The following HDGFL3 variants were observed in gnomAD, a reference collection of about 807,000 sequenced individuals.
The protein encoded by HDGFL3 is hepatoma-derived growth factor-related protein 3.
HDGFL3 carries 6 observed loss-of-function variants against 27.6 expected under a neutral mutation model. The ratio of observed to expected loss-of-function variants is 0.22; its 90% confidence interval spans 0.12 to 0.43. The LOEUF is 0.43. HDGFL3 is among the 20% of genes least tolerant of loss of function. The pLI, the probability that HDGFL3 is intolerant of heterozygous loss-of-function variation, is 1.00. For missense variants in HDGFL3, 207 were observed against 250.1 expected, an observed-to-expected ratio of 0.83 and a Z score of 1.16; for synonymous variants, 88 against 88.9, an observed-to-expected ratio of 0.99 and a Z score of 0.05.
chr15:83,123,559 C>T (rs369530665), downstream of HDGFL3, among the ~76,000 whole-genome samples: 14 of 152,252 alleles, frequency 9.2e-5, no homozygotes, highest in East Asian at 1.3e-3. Flanking sequence ...AATCAGAATA[C>T]GACTATTCAT....
chr15:83,126,854 T>C, downstream of HDGFL3: 6 of 1,601,046 alleles, frequency 3.7e-6, no homozygotes, highest in Admixed American at 1.7e-5. Context: ...TCAGGTCAAG[T>C]AGTTATGAAG....
intron 1 of HDGFL3, among the ~76,000 whole-genome samples, chr15:83,200,147 T>C (rs762415061): frequency 2.0e-5 from 3 of 148,558 alleles, no homozygotes; most frequent in Non-Finnish European, 3.0e-5. Context: ...ATTGAGACCA[T>C]CCTGGCTAAC....
intron 1 of HDGFL3, among the ~76,000 whole-genome samples, chr15:83,182,900 G>T (rs1400832552): frequency 6.6e-6 from 1 of 152,186 alleles, no homozygotes; most frequent in Non-Finnish European, 1.5e-5. Context: ...TAGATGGACA[G>T]AAATGTGATA....
Position 83,164,367 on chromosome 15 carries a change from C to CAAAAAAAAAAAAAA in HDGFL3, c.85-306_85-293dup, listed in dbSNP as rs869303457. Among the ~76,000 whole-genome samples, 351 of 38,406 alleles carry CAAAAAAAAAAAAAA rather than the reference C, an allele frequency of 9.1e-3. 2 individuals are homozygous for CAAAAAAAAAAAAAA. The highest frequency in any genetic ancestry group is 0.011 in the Non-Finnish European group (229 of 20,716). 25.2% of individuals were successfully genotyped at this position (38,406 alleles called of 152,430 possible). A position where few individuals can be genotyped will look rare whatever the true frequency, so the allele number is the denominator to read the frequency against. ...TGTCCTAGTGAAAAATTAGAGTAAC[C>CAAAAAAAAAAAAAA]AAAAAAAAAAAAAAAAAAAAAAAAA... On this transcript the variant is annotated intron_variant, in intron 1 of 5. Coordinates refer to ENST00000299633, the MANE Select transcript of HDGFL3 (RefSeq NM_016073.4).
chr15:83,151,318 T>C lies in HDGFL3; in HGVS notation c.503A>G (p.Asp168Gly). Residue 168 changes from aspartate (D) to glycine (G), a missense_variant, in exon 5 of 6, where the codon GAC (aspartate) becomes GGC (glycine). By Grantham distance (94) the Asp-to-Gly change is moderately conservative. Transcript: ENST00000299633. Reference sequence around the variant, plus strand: ...GTTTTCCTCTTCTTTGCAGTCTTTGTCATCTTCATCTCCTGGAGATTTCCG... The same window carrying C: ...GTTTTCCTCTTCTTTGCAGTCTTTGCCATCTTCATCTCCTGGAGATTTCCG... ...QSRKSPGDED[D>G]KDCKEEENKS... 1 of 1,613,492 alleles carries C rather than the reference T, an allele frequency of 6.2e-7. No homozygotes were observed. The highest frequency in any genetic ancestry group is 8.5e-7 in the Non-Finnish European group (1 of 1,179,676).
intron 1 of HDGFL3, among the ~76,000 whole-genome samples, chr15:83,174,287 G>A (rs2037282201): frequency 6.6e-6 from 1 of 152,108 alleles, no homozygotes; most frequent in South Asian, 2.1e-4. Context: ...ACATTCAGCT[G>A]TTCCCTGAAT....
chr15:83,156,617 C>A (rs372433485), intron 4 of HDGFL3, among the ~76,000 whole-genome samples: 2 of 152,284 alleles, frequency 1.3e-5, no homozygotes, highest in East Asian at 1.9e-4. Flanking sequence ...GAAGCCTTGA[C>A]GTGTGGTAGG....
exon 4 of HDGFL3, chr15:83,115,379 A>C: frequency 3.4e-6 from 1 of 296,148 alleles, no homozygotes; most frequent in Non-Finnish European, 6.7e-6. Flanking sequence ...CAGCCTCCCA[A>C]AGTGCTGGGA....
At chr15:83,193,898 G>GTGC (rs2037540859) in intron 1 of HDGFL3, among the ~76,000 whole-genome samples, 1 of 152,180 alleles carries the variant, frequency 6.6e-6, no homozygotes. Context: ...GGCAGTACCT[G>GTGC]TGCTGCTGCT....
rs2036679083 is a variant in HDGFL3 at position 83,137,656 on chromosome 15, T to G, written c.*1614A>C. The stretch of plus-strand genomic sequence containing the variant: ...TGTTGAGTATACTAGAGAAAATCAG[T>G]ATTCACTAAATGAAAGAAACACACC... On this transcript the variant is annotated 3_prime_UTR_variant, in exon 6 of 6. Coordinates refer to ENST00000299633, the MANE Select transcript of HDGFL3 (RefSeq NM_016073.4). 1 of 152,120 alleles carries G rather than the reference T, an allele frequency of 6.6e-6. No homozygotes were observed. The highest frequency in any genetic ancestry group is 1.5e-5 in the Non-Finnish European group (1 of 68,010). 9.4% of individuals were successfully genotyped at this position (152,120 alleles called of 1,614,324 possible).
At chr15:83,186,887 G>A (rs1192349596) in intron 1 of HDGFL3, among the ~76,000 whole-genome samples, 1 of 152,004 alleles carries the variant, frequency 6.6e-6, no homozygotes, top group Admixed American at 6.6e-5. Flanking sequence ...TGAAAAATAA[G>A]TAAATAAATA....
At position 83,133,311 on chromosome 15, in the gene HDGFL3, T is replaced by G. The variant is rs1296605463; in HGVS notation, c.*5959A>C. On this transcript the variant is annotated 3_prime_UTR_variant, in exon 6 of 6. Transcript: ENST00000299633. The stretch of plus-strand genomic sequence containing the variant: ...AATGGTCACCTAAGTTTTCTGCCTA[T>G]AACATTCACATGGACATATAACACT... The G allele has an allele frequency of 1.3e-5, 2 of 152,254 alleles. No homozygotes were observed. The highest frequency in any genetic ancestry group is 2.9e-5 in the Non-Finnish European group (2 of 68,052). The allele number at this position is 152,254 out of a possible 1,614,324, so 9.4% of individuals were successfully genotyped here.
intron 3 of HDGFL3, chr15:83,115,938 G>A: frequency 6.2e-7 from 1 of 1,612,346 alleles, no homozygotes; most frequent in Non-Finnish European, 8.5e-7. Context: ...CACTACTTGA[G>A]AGAGGTATGG....
At chr15:83,143,148 G>T (rs1596544010) in intron 5 of HDGFL3, among the ~76,000 whole-genome samples, 1 of 152,020 alleles carries the variant, frequency 6.6e-6, no homozygotes, top group East Asian at 1.9e-4. Context: ...GAGTAGCTGG[G>T]ATTACGGGCA....
chr15:83,181,427 C>A (rs1341382932), intron 1 of HDGFL3, among the ~76,000 whole-genome samples: 1 of 152,120 alleles, frequency 6.6e-6, no homozygotes, highest in Admixed American at 6.5e-5. Flanking sequence ...TGAGGCATTT[C>A]GATTTATGAT....
At chr15:83,119,529 C>T (rs746796811) in intron 3 of HDGFL3, 1 of 1,584,638 alleles carries the variant, frequency 6.3e-7, no homozygotes, top group South Asian at 1.1e-5. Flanking sequence ...TGATGTTCTG[C>T]ATTTACAGGT....
chr15:83,146,983 T>C (rs2036904037), intron 5 of HDGFL3, among the ~76,000 whole-genome samples: 1 of 152,152 alleles, frequency 6.6e-6, no homozygotes, highest in Non-Finnish European at 1.5e-5. Context: ...CCTGTATCCG[T>C]GCCCAAATAC....
rs146458582 is a variant in HDGFL3 at position 83,176,704 on chromosome 15, C to T, written c.85-12629G>A. Among the ~76,000 whole-genome samples the T allele has an allele frequency of 4.6e-4, 70 of 152,206 alleles. No individual in the cohort carries two copies. The East Asian group carries it at 0.013, about 28-fold the overall frequency. ...TAGGAGCCTCCAGGTCATTTTGATG[C>T]ATATTTTAAGAGATTTCATCCTCTT... On this transcript the variant is annotated intron_variant, in intron 1 of 5. Transcript: ENST00000299633.
At chr15:83,139,787 C>T (rs1596541343) in intron 5 of HDGFL3, among the ~76,000 whole-genome samples, 1 of 152,232 alleles carries the variant, frequency 6.6e-6, no homozygotes, top group East Asian at 1.9e-4. Context: ...TCTCTGACTT[C>T]TTGCTTTTAA....
Sources: gnomAD v4.1 joint callset for allele counts (sites outside exome capture counted in the v4.1 genomes callset) on GRCh38, gnomAD v4.1.1 for gene constraint, MANE v1.5 for transcripts, NCBI Gene and HGNC (gene_info 2026-07-23, HGNC 2026-07-21) for gene names.